The following OR2I1 variants were observed in gnomAD, a reference collection of about 807,000 sequenced individuals.
OR2I1 encodes the protein putative olfactory receptor 2I1.
the OR2I1 span, chr6:29,557,521 G>A: frequency 2.0e-5 from 3 of 152,318 alleles, no homozygotes; most frequent in South Asian, 2.1e-4. Context: ...GTGACCATGG[G>A]TGGTATGTAA....
chr6:29,557,208 C>CT, the OR2I1 span: 1 of 152,252 alleles, frequency 6.6e-6, no homozygotes, highest in South Asian at 2.1e-4. Flanking sequence ...AAAGTTTTTT[C>CT]TTTTTTCTCT....
chr6:29,553,712 G>T, the OR2I1 span: 1 of 398,574 alleles, frequency 2.5e-6, no homozygotes, highest in Non-Finnish European at 4.4e-6. Flanking sequence ...CTGGCTGAGC[G>T]GCCGCTGTGC....
chr6:29,553,679 A>C, the OR2I1 span: 1 of 398,116 alleles, frequency 2.5e-6, no homozygotes. Context: ...GGCCTCACCA[A>C]CTCGGTTGCG....
chr6:29,551,760 T>A, the OR2I1 span, among the ~76,000 whole-genome samples: 1 of 152,192 alleles, frequency 6.6e-6, no homozygotes, highest in African/African-American at 2.4e-5. Flanking sequence ...AGAGAGAGGC[T>A]AAGTAACATA....
chr6:29,557,354 T>G, the OR2I1 span: 3 of 152,166 alleles, frequency 2.0e-5, no homozygotes, highest in Non-Finnish European at 2.9e-5. Flanking sequence ...AAAAGACTGA[T>G]TTCAGTAATT....
the OR2I1 span, chr6:29,556,567 T>A: frequency 9.0e-5 from 47 of 523,504 alleles, no homozygotes; most frequent in East Asian, 5.9e-4. Context: ...AATCACACCT[T>A]TTTTTCGATC....
chr6:29,557,304 C>G, the OR2I1 span: 3 of 152,166 alleles, frequency 2.0e-5, no homozygotes, highest in Non-Finnish European at 4.4e-5. Flanking sequence ...GGCTAACTGA[C>G]CCCGTGTTCC....
chr6:29,554,365 C>T, the OR2I1 span: 1 of 389,390 alleles, frequency 2.6e-6, no homozygotes, highest in Non-Finnish European at 4.5e-6. Context: ...CCTCTATATA[C>T]TCAGGTTTAG....
At chr6:29,554,628 TC>T in the OR2I1 span, 2 of 153,216 alleles carry the variant, frequency 1.3e-5, no homozygotes, top group South Asian at 4.2e-4. Context: ...ACCAGTGCCC[TC>T]CCCGGGGCAT....
the OR2I1 span, chr6:29,553,584 G>T: frequency 2.5e-6 from 1 of 398,382 alleles, no homozygotes; most frequent in Non-Finnish European, 4.4e-6. Context: ...TGGACCGCGC[G>T]GCCGCAGTGT....
At chr6:29,553,480 G>C in the OR2I1 span, 4 of 398,618 alleles carry the variant, frequency 1.0e-5, no homozygotes, top group Non-Finnish European at 1.8e-5. Flanking sequence ...GCGCGGACCA[G>C]CGCTCTGGCT....
At chr6:29,555,439 G>A in the OR2I1 span, 1 of 163,968 alleles carries the variant, frequency 6.1e-6, no homozygotes, top group East Asian at 1.8e-4. Flanking sequence ...AATTCAATTT[G>A]GTTCAACCAT....
the OR2I1 span, chr6:29,553,826 G>T: frequency 2.5e-6 from 1 of 398,630 alleles, no homozygotes; most frequent in East Asian, 3.6e-5. Context: ...TTCGCCGCCC[G>T]CGTGGTCATC....
chr6:29,554,789 G>A, the OR2I1 span: 4 of 152,066 alleles, frequency 2.6e-5, no homozygotes, highest in East Asian at 1.9e-4. Flanking sequence ...AGGCGGGCAC[G>A]TCTCAGCCCG....
At chr6:29,551,473 C>T in the OR2I1 span, among the ~76,000 whole-genome samples, 5 of 152,226 alleles carry the variant, frequency 3.3e-5, no homozygotes, top group African/African-American at 1.2e-4. Context: ...ACTCTCCTAA[C>T]ATACTCTATA....
the OR2I1 span, chr6:29,556,043 A>C: frequency 1.3e-5 from 21 of 1,613,048 alleles, no homozygotes; most frequent in African/African-American, 1.9e-4. Flanking sequence ...CACTTGTGCC[A>C]CTGAGCTGGA....
the OR2I1 span, chr6:29,554,539 G>A: frequency 6.0e-6 from 1 of 166,392 alleles, no homozygotes; most frequent in African/African-American, 2.4e-5. Flanking sequence ...TACCCTGCAG[G>A]AGAGGGTACA....
the OR2I1 span, chr6:29,556,360 G>A: frequency 6.2e-7 from 1 of 1,604,306 alleles, no homozygotes; most frequent in South Asian, 1.1e-5. Flanking sequence ...CCTGGGAAGT[G>A]AAAGCCACAA....
chr6:29,557,686 A>G, the OR2I1 span: 1 of 152,236 alleles, frequency 6.6e-6, no homozygotes, highest in South Asian at 2.1e-4. Context: ...TTTGGTTTTC[A>G]ATCAGAAGCA....
Sources: gnomAD v4.1 joint callset for allele counts (sites outside exome capture counted in the v4.1 genomes callset) on GRCh38, gnomAD v4.1.1 for gene constraint, MANE v1.5 for transcripts, NCBI Gene and HGNC (gene_info 2026-07-23, HGNC 2026-07-21) for gene names.